The following EGF variants were observed in gnomAD, a reference collection of about 807,000 sequenced individuals.
EGF encodes the protein pro-epidermal growth factor.
In EGF, 95 loss-of-function variants were observed where a neutral mutation model predicts 143.8. The observed-to-expected ratio is 0.66, with a 90% confidence interval of 0.56 to 0.78. EGF has a LOEUF of 0.78. Ranked by LOEUF, EGF falls within the 30% of genes least tolerant of loss-of-function variation. The pLI is 0.00. For missense variants in EGF, 1,320 were observed against 1,470.9 expected (o/e 0.90, Z 1.68); for synonymous variants, 510 against 510.5 (o/e 1.00, Z 0.01).
chr4:109,971,971 T>A (rs1024216495), intron 11 of EGF, among the ~76,000 whole-genome samples: 1 of 152,106 alleles, frequency 6.6e-6, no homozygotes, highest in Non-Finnish European at 1.5e-5. Context: ...AATTGCCTAG[T>A]AAAGAATCAA....
At chr4:109,920,170 TA>T (rs927350431) in intron 1 of EGF, among the ~76,000 whole-genome samples, 2 of 151,710 alleles carry the variant, frequency 1.3e-5, no homozygotes, top group African/African-American at 4.9e-5. Flanking sequence ...ATAAGTCTTC[TA>T]AAATCTGTTC....
At chr4:109,996,649 T>C (rs750973265) in intron 20 of EGF, among the ~76,000 whole-genome samples, 14 of 152,222 alleles carry the variant, frequency 9.2e-5, no homozygotes, top group Non-Finnish European at 1.6e-4. Flanking sequence ...CTCTTCATGC[T>C]GTAAGCAGGT....
intron 1 of EGF, among the ~76,000 whole-genome samples, chr4:109,933,027 A>G (rs1381105448): frequency 1.3e-5 from 2 of 152,240 alleles, no homozygotes; most frequent in African/African-American, 4.8e-5. Flanking sequence ...TGTTTCTGGC[A>G]AAAAGCAATG....
intron 22 of EGF, among the ~76,000 whole-genome samples, chr4:110,005,036 C>CTTTTTTTTTTTTTTTTTTT (rs538062029): frequency 1.2e-4 from 10 of 80,692 alleles, no homozygotes; most frequent in Admixed American, 1.7e-4. Context: ...TTTTCTCTGT[C>CTTTTTTTTTTTTTTTTTTT]TTTTTTTTTT....
intron 20 of EGF, among the ~76,000 whole-genome samples, chr4:109,997,892 T>C (rs1024960193): frequency 6.6e-6 from 1 of 152,144 alleles, no homozygotes; most frequent in African/African-American, 2.4e-5. Flanking sequence ...AAAATAAGCC[T>C]TGTTTATCTG....
intron 11 of EGF, 90 bp from the exon 12 acceptor site, chr4:109,974,613 T>C: frequency 1.0e-6 from 1 of 954,496 alleles, no homozygotes; most frequent in East Asian, 2.6e-5. Flanking sequence ...AGAATGCCTA[T>C]CTTTGCATTT....
In EGF at chr4:110,013,167, G is replaced by A. The variant is rs1184169247; in HGVS notation, c.*1712G>A. On this transcript the variant is annotated 3_prime_UTR_variant, in exon 24 of 24. Coordinates refer to ENST00000265171, the MANE Select transcript of EGF (RefSeq NM_001963.6). ...TATTTCTGCTGAGTCACTGGCCTCA[G>A]AAAAATAATAACCATAATTTCCCCC... 1.1e-4 allele frequency among the ~76,000 whole-genome samples: 17 copies of A among 152,154 alleles called. No individual in the cohort carries two copies. Among genetic ancestry groups the A allele is most frequent in the Admixed American group, 1.1e-3 (17 of 15,284 alleles).
rs570903296 is a variant in EGF at position 110,011,190 on chromosome 4, T to C, written c.3371-12T>C. On this transcript the variant is annotated splice_polypyrimidine_tract_variant and intron_variant, in intron 23 of 23. Transcript: ENST00000265171. ...GATATGAATATTGAAATTTCTTTTG[T>C]CTTTCATATAGGGTCAATGCAACCA... 24 of 1,613,714 alleles carry C rather than the reference T, an allele frequency of 1.5e-5. No homozygotes were observed. The East Asian group carries it at 5.3e-4, about 36-fold the overall frequency.
At chr4:110,004,307 G>T in intron 21 of EGF, 198 bp from the exon 22 acceptor site, 1 of 660,284 alleles carries the variant, frequency 1.5e-6, no homozygotes, top group Non-Finnish European at 2.8e-6. Flanking sequence ...AACACTGTCT[G>T]GAAAGCATTT....
chr4:110,002,047 C>A (rs115406972), intron 21 of EGF: 2 of 985,052 alleles, frequency 2.0e-6, no homozygotes, highest in African/African-American at 3.5e-5. Context: ...ACTGTACCAA[C>A]AAATACAGCT....
intron 18 of EGF, among the ~76,000 whole-genome samples, chr4:109,992,607 A>G (rs934593504): frequency 4.6e-5 from 7 of 152,172 alleles, no homozygotes; most frequent in African/African-American, 1.7e-4. Context: ...GTATATACCC[A>G]AAGGAATATA....
At chr4:109,957,423 T>C (rs1033776650) in intron 5 of EGF, among the ~76,000 whole-genome samples, 6 of 152,350 alleles carry the variant, frequency 3.9e-5, no homozygotes, top group Middle Eastern at 6.8e-3. Context: ...ATATATATCA[T>C]GCTCAAGCAA....
chr4:109,933,574 C>A (rs1372905081), intron 1 of EGF, among the ~76,000 whole-genome samples: 4 of 151,922 alleles, frequency 2.6e-5, no homozygotes, highest in Admixed American at 1.3e-4. Flanking sequence ...CCTCCACCAG[C>A]CCCCCACCTC....
At chr4:109,917,092 G>A (rs982326047) in intron 1 of EGF, among the ~76,000 whole-genome samples, 31 of 152,098 alleles carry the variant, frequency 2.0e-4, no homozygotes, top group African/African-American at 6.3e-4. Flanking sequence ...GTTTCTTACC[G>A]GTAATAATCT....
At chr4:109,932,270 G>A (rs549897139) in intron 1 of EGF, among the ~76,000 whole-genome samples, 1 of 145,940 alleles carries the variant, frequency 6.9e-6, no homozygotes, top group Admixed American at 6.9e-5. Context: ...ACAGAGGATT[G>A]TACTGCATTA....
rs1749840665 is a variant in EGF, at chr4:109,984,473, C to T, written c.2491+932C>T. 3.3e-5 allele frequency among the ~76,000 whole-genome samples: 5 copies of T among 152,092 alleles called. No individual in the cohort carries two copies. The South Asian group carries it at 8.3e-4, about 25-fold the overall frequency. ...AATGTTAGATTATATATACAGTCAT[C>T]CATCTGTATCCACAGGGGATTGATT... On this transcript the variant is annotated intron_variant, in intron 16 of 23. Transcript: ENST00000265171.
chr4:109,924,436 T>C (rs1031626066), intron 1 of EGF, among the ~76,000 whole-genome samples: 2 of 151,822 alleles, frequency 1.3e-5, no homozygotes, highest in Admixed American at 1.3e-4. Flanking sequence ...AAATGAAATT[T>C]CCTTTTATAT....
rs573750058 is a variant in EGF, at chr4:110,004,750, C to A, written c.3291+128C>A. ...AGCTTCCAGCTGGTGTCAGTGTTAGCCAAGACCACATCAGCTAGGGAGGTC... is the reference window on the plus strand; with the variant it reads ...AGCTTCCAGCTGGTGTCAGTGTTAGACAAGACCACATCAGCTAGGGAGGTC... On this transcript the variant is annotated intron_variant, in intron 22 of 23. Transcript: ENST00000265171. 6 of 471,162 alleles carry A rather than the reference C, an allele frequency of 1.3e-5. No individual in the cohort carries two copies. In the Admixed American group the frequency reaches 1.3e-4, roughly 10 times the overall value. 29.2% of individuals were successfully genotyped at this position (471,162 alleles called of 1,614,324 possible). A position where few individuals can be genotyped will look rare whatever the true frequency, so the allele number is the denominator to read the frequency against.
At chr4:109,962,563 A>G (rs746796508) in intron 8 of EGF, among the ~76,000 whole-genome samples, 16 of 152,212 alleles carry the variant, frequency 1.1e-4, no homozygotes, top group Non-Finnish European at 1.9e-4. Context: ...TGCCAAACTC[A>G]TCAAATGGAT....
Sources: gnomAD v4.1 joint callset for allele counts (sites outside exome capture counted in the v4.1 genomes callset) on GRCh38, gnomAD v4.1.1 for gene constraint, MANE v1.5 for transcripts, NCBI Gene and HGNC (gene_info 2026-07-23, HGNC 2026-07-21) for gene names.